WDPCP: variants seen among roughly 807,000 people sequenced by gnomAD.
WDPCP encodes the protein WD repeat-containing and planar cell polarity effector protein fritz homolog.
A neutral mutation model predicts 93.1 loss-of-function variants in WDPCP; 71 were observed. The ratio of observed to expected loss-of-function variants is 0.76; its 90% CI spans 0.63 to 0.93. WDPCP has a LOEUF of 0.93. Ranked by LOEUF, WDPCP falls within the 40% of genes least tolerant of loss-of-function variation. WDPCP has a pLI of 0.00. For missense variants in WDPCP, 844 were observed against 887.4 expected, an observed-to-expected ratio of 0.95 and a Z score of 0.62; for synonymous variants, 315 against 315.0, an observed-to-expected ratio of 1.00 and a Z score of 0.00.
intron 14 of WDPCP, among the ~76,000 whole-genome samples, chr2:63,221,973 T>G (rs995860973): frequency 2.0e-5 from 3 of 152,122 alleles, no homozygotes; most frequent in Non-Finnish European, 4.4e-5. Context: ...GCTGTCCCAT[T>G]CTGGGTTGGA....
intron 6 of WDPCP, among the ~76,000 whole-genome samples, chr2:63,446,327 A>G (rs527880107): frequency 6.6e-6 from 1 of 152,314 alleles, no homozygotes; most frequent in South Asian, 2.1e-4. Context: ...CATAGGAGGT[A>G]AACCCTATTG....
chr2:63,391,042 A>T (rs1693194014), intron 10 of WDPCP, among the ~76,000 whole-genome samples: 1 of 152,226 alleles, frequency 6.6e-6, no homozygotes, highest in African/African-American at 2.4e-5. Flanking sequence ...TCATTTTATG[A>T]GGCCAGCATC....
At chr2:63,453,033 A>G (rs1018609881) in intron 6 of WDPCP, among the ~76,000 whole-genome samples, 5 of 152,166 alleles carry the variant, frequency 3.3e-5, no homozygotes, top group African/African-American at 1.2e-4. Flanking sequence ...ATAGGCATGG[A>G]CAAGGACTTC....
intron 1 of WDPCP, among the ~76,000 whole-genome samples, chr2:63,522,455 G>GACAGACAGACACAC (rs578104206): frequency 1.6e-5 from 2 of 127,216 alleles, no homozygotes; most frequent in Non-Finnish European, 3.3e-5. Flanking sequence ...CAGACAGACA[G>GACAGACAGACACAC]ACACACACAC....
chr2:63,522,435 T>G (rs1703001694), intron 1 of WDPCP, among the ~76,000 whole-genome samples: 1 of 118,608 alleles, frequency 8.4e-6, no homozygotes, highest in African/African-American at 3.4e-5. Flanking sequence ...CTAAAGGAAA[T>G]CAAGACAGAC....
rs1425060242 is a variant in WDPCP, at chr2:63,121,254, A to T, written c.*752T>A. 6.6e-6 allele frequency: 1 copy of T among 152,196 alleles called. No individual in the cohort carries two copies. The highest frequency in any genetic ancestry group is 6.6e-5 in the Admixed American group (1 of 15,266). The allele number at this position is 152,196 out of a possible 1,614,324, so 9.4% of individuals were successfully genotyped here. A position where few individuals can be genotyped will look rare whatever the true frequency, so the allele number is the denominator to read the frequency against. On this transcript the variant is annotated 3_prime_UTR_variant, in exon 18 of 18. Transcript: ENST00000272321. The stretch of plus-strand genomic sequence containing the variant: ...TTACTCATAGCAGTAATTCGAGAGA[A>T]CCATGGAGAATTGTCTTCTAACAAT...
At chr2:63,600,551 AT>A (rs1709399123) in intron 3 of WDPCP, among the ~76,000 whole-genome samples, 1 of 152,230 alleles carries the variant, frequency 6.6e-6, no homozygotes, top group African/African-American at 2.4e-5. Flanking sequence ...TCTTATGAGG[AT>A]TAAATAAGAT....
chr2:63,308,503 T>A (rs1267162230), intron 13 of WDPCP, among the ~76,000 whole-genome samples: 1 of 152,168 alleles, frequency 6.6e-6, no homozygotes, highest in Non-Finnish European at 1.5e-5. Context: ...CAAATGCCTA[T>A]CAGTGATAGA....
chr2:63,621,112 C>T (rs1709731489), intron 3 of WDPCP, among the ~76,000 whole-genome samples: 1 of 152,132 alleles, frequency 6.6e-6, no homozygotes, highest in Non-Finnish European at 1.5e-5. Flanking sequence ...CACCCCTTTT[C>T]TTCCAAAGGA....
chr2:63,484,452 G>C, intron 6 of WDPCP, 152 bp downstream of exon 6: 1 of 819,766 alleles, frequency 1.2e-6, no homozygotes, highest in Non-Finnish European at 2.0e-6. Context: ...TCTGTCTAAT[G>C]TTAGCTCTAG....
At chr2:63,564,729 A>G (rs972193451) in intron 1 of WDPCP, 2 of 152,156 alleles carry the variant, frequency 1.3e-5, no homozygotes, top group Non-Finnish European at 2.9e-5. Flanking sequence ...TGTTCTTTCT[A>G]AATCTATAGT....
intron 2 of WDPCP, among the ~76,000 whole-genome samples, chr2:63,760,594 T>A (rs1670042466): frequency 1.3e-5 from 2 of 151,968 alleles, no homozygotes; most frequent in African/African-American, 4.8e-5. Flanking sequence ...CCCCTCCTCC[T>A]AGGGTAGAAC....
intron 12 of WDPCP, among the ~76,000 whole-genome samples, chr2:63,320,514 T>C (rs931225799): frequency 3.4e-4 from 52 of 152,128 alleles, no homozygotes; most frequent in African/African-American, 1.2e-3. Context: ...GGTTATACAA[T>C]AGCATAAAGG....
In WDPCP at chr2:63,722,253, C is replaced by A. The variant is rs369145267; in HGVS notation, n.309-71415G>T. ...CAGTCTGGAAAGTGAGGAGCGTCTC[C>A]GCCCGGCCGCCATCCCACCTAGGAA... On this transcript the variant is annotated intron_variant and non_coding_transcript_variant, in intron 2 of 4. Coordinates refer to the WDPCP transcript ENST00000467687. Among the ~76,000 whole-genome samples the A allele has an allele frequency of 2.2e-3, 334 of 150,590 alleles. 1 individual carries two copies. Among genetic ancestry groups the A allele is most frequent in the Middle Eastern group, 0.021 (6 of 290 alleles).
At chr2:63,625,503 C>T (rs1709800153) in intron 3 of WDPCP, among the ~76,000 whole-genome samples, 1 of 152,166 alleles carries the variant, frequency 6.6e-6, no homozygotes, top group Non-Finnish European at 1.5e-5. Context: ...AATCAATGTG[C>T]AAAAATCGCA....
At chr2:63,206,062 G>A (rs1397425054) in intron 14 of WDPCP, among the ~76,000 whole-genome samples, 1 of 151,810 alleles carries the variant, frequency 6.6e-6, no homozygotes, top group Non-Finnish European at 1.5e-5. Context: ...ATGCTTTTTT[G>A]GCATCAAATG....
chr2:63,300,231 T>A (rs1461762583), intron 13 of WDPCP, among the ~76,000 whole-genome samples: 1 of 152,148 alleles, frequency 6.6e-6, no homozygotes, highest in Non-Finnish European at 1.5e-5. Context: ...TCCTCATGTG[T>A]GTCTGTGCCC....
At chr2:63,663,310 A>C (rs1423788798) in intron 2 of WDPCP, among the ~76,000 whole-genome samples, 3 of 152,244 alleles carry the variant, frequency 2.0e-5, no homozygotes, top group Non-Finnish European at 4.4e-5. Context: ...GAGAACAAAG[A>C]GGCCAACTTC....
At chr2:63,299,178 T>G (rs547909215) in intron 13 of WDPCP, among the ~76,000 whole-genome samples, 1 of 152,224 alleles carries the variant, frequency 6.6e-6, no homozygotes, top group Non-Finnish European at 1.5e-5. Flanking sequence ...AGTAGCCACA[T>G]TGTGAGTCCC....
Sources: allele counts gnomAD v4.1 joint callset (sites outside exome capture counted in the v4.1 genomes callset), GRCh38; gene constraint gnomAD v4.1.1; transcripts MANE v1.5; gene names NCBI Gene and HGNC (gene_info 2026-07-23, HGNC 2026-07-21).